Variants in ZNF536 observed in about 807,000 individuals in gnomAD.
ZNF536 encodes zinc finger protein 536.
Under a neutral mutation model 84.5 loss-of-function variants are expected in ZNF536, and 13 were observed. The ratio of observed to expected loss-of-function variants is 0.15; its 90% CI spans 0.10 to 0.24. The LOEUF (loss-of-function observed/expected upper bound fraction) is 0.24. Ranked by LOEUF, ZNF536 falls within the 10% of genes least tolerant of loss-of-function variation. ZNF536 has a pLI of 1.00. For missense variants in ZNF536, 1,536 were observed against 1,747.5 expected, an observed-to-expected ratio of 0.88 and a Z score of 2.16; for synonymous variants, 811 against 742.5, an observed-to-expected ratio of 1.09 and a Z score of -1.50.
intron 1 of ZNF536, among the ~76,000 whole-genome samples, chr19:30,262,314 T>A (rs2025269521): frequency 6.6e-6 from 1 of 152,234 alleles, no homozygotes; most frequent in Non-Finnish European, 1.5e-5. Context: ...GAAGGGACAG[T>A]CATGGAGCTG....
At chr19:30,676,956 T>G (rs1361372175) in intron 1 of ZNF536, among the ~76,000 whole-genome samples, 1 of 152,176 alleles carries the variant, frequency 6.6e-6, no homozygotes, top group Non-Finnish European at 1.5e-5. Context: ...TCCTCCCACC[T>G]CGGCCTCCCA....
Position 30,384,098 on chromosome 19 carries a change from C to CTTTCTCTTTCTTTCTT in ZNF536, c.-3+11543_-3+11544insTTCTCTTTCTTTCTTT, listed in dbSNP as rs1445807219. The stretch of plus-strand genomic sequence containing the variant: ...CCTCTCTTCTTCTGCCCACCTCTTT[C>CTTTCTCTTTCTTTCTT]TCTTTCTTTCTTTCTTTCTTTCTTT... On this transcript the variant is annotated intron_variant, in intron 1 of 4. Coordinates refer to ENST00000355537, the MANE Select transcript of ZNF536 (RefSeq NM_014717.3). Among the ~76,000 whole-genome samples the CTTTCTCTTTCTTTCTT allele has an allele frequency of 3.3e-3, 285 of 86,552 alleles. 5 individuals carry two copies. The highest frequency in any genetic ancestry group is 4.8e-3 in the Non-Finnish European group (208 of 43,544). The allele number at this position is 86,552 out of a possible 152,430, so 56.8% of individuals were successfully genotyped here.
intron 1 of ZNF536, among the ~76,000 whole-genome samples, chr19:30,440,517 G>C (rs955780125): frequency 6.6e-6 from 1 of 152,228 alleles, no homozygotes; most frequent in Non-Finnish European, 1.5e-5. Context: ...AGATAAGCCA[G>C]CTCTGCCTTA....
chr19:30,415,462 C>G (rs2050690115), intron 1 of ZNF536, among the ~76,000 whole-genome samples: 2 of 149,940 alleles, frequency 1.3e-5, no homozygotes, highest in Admixed American at 6.7e-5. Flanking sequence ...GAGGTCTCTT[C>G]TTGATGTGAC....
At chr19:30,359,534 G>C (rs920990315) in intron 3 of ZNF536, among the ~76,000 whole-genome samples, 1 of 152,154 alleles carries the variant, frequency 6.6e-6, no homozygotes, top group South Asian at 2.1e-4. Flanking sequence ...ATCTTCTGGG[G>C]GAGGCAGTCA....
intron 1 of ZNF536, among the ~76,000 whole-genome samples, chr19:30,233,036 C>T (rs1393852701): frequency 6.6e-6 from 1 of 152,174 alleles, no homozygotes; most frequent in Non-Finnish European, 1.5e-5. Context: ...GGTGGGGAGA[C>T]AGACAAATCC....
chr19:30,640,607 G>A (rs1044674733), intron 1 of ZNF536, among the ~76,000 whole-genome samples: 2 of 152,116 alleles, frequency 1.3e-5, no homozygotes, highest in African/African-American at 4.8e-5. Flanking sequence ...TCCCTGCACC[G>A]TCTTACCAGC....
intron 1 of ZNF536, among the ~76,000 whole-genome samples, chr19:30,639,304 G>A (rs12984786): frequency 2.0e-5 from 3 of 151,996 alleles, no homozygotes; most frequent in South Asian, 2.1e-4. Context: ...TTTTAAGAAC[G>A]TATTTTGTTG....
intron 3 of ZNF536, among the ~76,000 whole-genome samples, chr19:30,539,642 C>T (rs1312413529): frequency 6.6e-6 from 1 of 152,224 alleles, no homozygotes. Context: ...GGTCTCCATG[C>T]ACCCATGCCA....
intron 1 of ZNF536, among the ~76,000 whole-genome samples, chr19:30,585,390 G>A (rs978056720): frequency 6.6e-6 from 1 of 152,156 alleles, no homozygotes; most frequent in Non-Finnish European, 1.5e-5. Flanking sequence ...AATAGTAGAT[G>A]GATGGATGAA....
At chr19:30,405,029 G>A (rs1469302283) in intron 1 of ZNF536, among the ~76,000 whole-genome samples, 1 of 152,204 alleles carries the variant, frequency 6.6e-6, no homozygotes, top group African/African-American at 2.4e-5. Flanking sequence ...GGTGAAGAGA[G>A]GCGTAGGGGA....
At chr19:30,275,252 C>T (rs973981625) in intron 1 of ZNF536, among the ~76,000 whole-genome samples, 1 of 152,126 alleles carries the variant, frequency 6.6e-6, no homozygotes, top group Admixed American at 6.6e-5. Flanking sequence ...AGCCAGTGCT[C>T]CCTGCCCTTG....
At chr19:30,630,632 A>T (rs1439384475) in intron 1 of ZNF536, among the ~76,000 whole-genome samples, 3 of 152,190 alleles carry the variant, frequency 2.0e-5, no homozygotes, top group African/African-American at 7.2e-5. Flanking sequence ...TCTGTTCTCC[A>T]GAAAGCCCTC....
At chr19:30,345,249 C>CA (rs386365529) in intron 2 of ZNF536, among the ~76,000 whole-genome samples, 4 of 151,974 alleles carry the variant, frequency 2.6e-5, no homozygotes, top group South Asian at 2.1e-4. Flanking sequence ...GGGCTCCCCC[C>CA]AGCATGAGTG....
intron 3 of ZNF536, among the ~76,000 whole-genome samples, chr19:30,547,012 A>G (rs1044239175): frequency 6.6e-6 from 1 of 152,254 alleles, no homozygotes. Context: ...TATTTAATTC[A>G]TGAAAATTAT....
chr19:30,700,498 C>T (rs114128623), intron 1 of ZNF536, among the ~76,000 whole-genome samples: 2,583 of 152,148 alleles, frequency 0.017, 77 homozygotes, highest in African/African-American at 0.056. Context: ...AGTGACCCTC[C>T]TGCCTCAGGC....
At chr19:30,306,650 G>A (rs2046351463) in intron 2 of ZNF536, among the ~76,000 whole-genome samples, 1 of 152,208 alleles carries the variant, frequency 6.6e-6, no homozygotes. Flanking sequence ...AGGCGAAAAT[G>A]TTCTGGAAAA....
At chr19:30,567,460 C>T (rs2046396684) in intron 1 of ZNF536, among the ~76,000 whole-genome samples, 1 of 152,186 alleles carries the variant, frequency 6.6e-6, no homozygotes. Flanking sequence ...TTCCATGTCA[C>T]AGTCTGTGAA....
At chr19:30,390,366 C>T (rs1301519768) in intron 1 of ZNF536, among the ~76,000 whole-genome samples, 1 of 152,144 alleles carries the variant, frequency 6.6e-6, no homozygotes, top group African/African-American at 2.4e-5. Context: ...AAAGGAAGCC[C>T]AAGTGAGAGT....
Sources: gnomAD v4.1 joint callset for allele counts (sites outside exome capture counted in the v4.1 genomes callset) on GRCh38, gnomAD v4.1.1 for gene constraint, MANE v1.5 for transcripts, NCBI Gene and HGNC (gene_info 2026-07-23, HGNC 2026-07-21) for gene names.